The following SMAP1 variants were observed in gnomAD, a reference collection of about 807,000 sequenced individuals.
SMAP1 encodes small ArfGAP 1, also known as stromal membrane-associated protein 1.
SMAP1 carries 24 observed loss-of-function variants against 58.5 expected under a neutral mutation model. The observed-to-expected ratio is 0.41, with a 90% CI of 0.30 to 0.58. SMAP1 has a LOEUF of 0.58. Ranked by LOEUF, SMAP1 falls within the 20% of genes least tolerant of loss-of-function variation. The probability of loss-of-function intolerance (pLI) is 0.29; values close to 1 mark genes in which losing one functional copy is unlikely to be tolerated. For missense variants in SMAP1, 563 were observed against 566.3 expected (o/e 0.99, Z 0.06); for synonymous variants, 216 against 196.6 (o/e 1.10, Z -0.82).
At chr6:70,796,983 C>T (rs1368016793) in intron 5 of SMAP1, among the ~76,000 whole-genome samples, 1 of 152,056 alleles carries the variant, frequency 6.6e-6, no homozygotes, top group East Asian at 1.9e-4. Flanking sequence ...AGTTTGTTAG[C>T]TTTGTCCTCT....
chr6:70,855,947 A>G (rs187303482), intron 8 of SMAP1, among the ~76,000 whole-genome samples: 9 of 152,352 alleles, frequency 5.9e-5, no homozygotes. Flanking sequence ...TGTGTAGTTT[A>G]TAAGTACAAT....
intron 6 of SMAP1, among the ~76,000 whole-genome samples, chr6:70,807,055 C>T (rs1013290617): frequency 6.6e-6 from 1 of 152,180 alleles, no homozygotes; most frequent in Non-Finnish European, 1.5e-5. Flanking sequence ...ATCCAGGCTT[C>T]CCTGTAAAAG....
chr6:70,847,650 C>A (rs917110330), intron 7 of SMAP1, among the ~76,000 whole-genome samples: 1 of 152,230 alleles, frequency 6.6e-6, no homozygotes, highest in East Asian at 1.9e-4. Flanking sequence ...ATGTTCCCAG[C>A]TGAATTTCCT....
intron 7 of SMAP1, among the ~76,000 whole-genome samples, chr6:70,849,430 TAAAA>T: frequency 6.6e-6 from 1 of 151,652 alleles, no homozygotes; most frequent in Non-Finnish European, 1.5e-5. Flanking sequence ...GTAATAATAA[TAAAA>T]AAAACACATG....
chr6:70,814,180 T>G (rs1472899789), intron 6 of SMAP1, among the ~76,000 whole-genome samples: 3 of 152,150 alleles, frequency 2.0e-5, no homozygotes, highest in Non-Finnish European at 2.9e-5. Flanking sequence ...CTTTCCTAGG[T>G]TTATGGCCTC....
At chr6:70,777,954 G>A (rs1767611902) in intron 4 of SMAP1, among the ~76,000 whole-genome samples, 3 of 151,976 alleles carry the variant, frequency 2.0e-5, no homozygotes, top group Admixed American at 6.6e-5. Flanking sequence ...GTTTTGCCAC[G>A]TTGCCCAGGC....
intron 7 of SMAP1, among the ~76,000 whole-genome samples, chr6:70,843,000 A>G (rs1273310470): frequency 6.6e-6 from 1 of 152,166 alleles, no homozygotes; most frequent in Non-Finnish European, 1.5e-5. Flanking sequence ...AAGAGAGGCT[A>G]GGAAAATAGT....
At chr6:70,728,468 A>C (rs909401850) in intron 1 of SMAP1, among the ~76,000 whole-genome samples, 21 of 152,176 alleles carry the variant, frequency 1.4e-4, no homozygotes, top group African/African-American at 5.1e-4. Context: ...AAAATAGTAG[A>C]TCAGTTGTTC....
At chr6:70,808,740 A>G (rs1282805411) in intron 6 of SMAP1, among the ~76,000 whole-genome samples, 1 of 152,126 alleles carries the variant, frequency 6.6e-6, no homozygotes, top group Non-Finnish European at 1.5e-5. Flanking sequence ...TAGCTACATA[A>G]TTAGTTTTTA....
intron 6 of SMAP1, among the ~76,000 whole-genome samples, chr6:70,813,245 A>G (rs1222862447): frequency 6.6e-6 from 1 of 152,090 alleles, no homozygotes; most frequent in Non-Finnish European, 1.5e-5. Flanking sequence ...AGGCTTCTGG[A>G]GAGTACCCAG....
intron 6 of SMAP1, among the ~76,000 whole-genome samples, chr6:70,805,870 T>C (rs903007603): frequency 6.6e-6 from 1 of 152,222 alleles, no homozygotes; most frequent in African/African-American, 2.4e-5. Context: ...TGATCTTTCC[T>C]CTGGAAGCTT....
chr6:70,767,635 T>G (rs1352411960), intron 3 of SMAP1, among the ~76,000 whole-genome samples: 2 of 150,784 alleles, frequency 1.3e-5, no homozygotes, highest in Non-Finnish European at 2.9e-5. Context: ...CTTATCAGCT[T>G]AAGGAGATTT....
chr6:70,702,169 G>A (rs1767655729), intron 1 of SMAP1, among the ~76,000 whole-genome samples: 1 of 151,950 alleles, frequency 6.6e-6, no homozygotes, highest in Non-Finnish European at 1.5e-5. Flanking sequence ...TAATCAGTTT[G>A]ATTATGAATT....
At chr6:70,684,779 C>T (rs879294121) in intron 1 of SMAP1, among the ~76,000 whole-genome samples, 2 of 152,116 alleles carry the variant, frequency 1.3e-5, no homozygotes, top group African/African-American at 2.4e-5. Flanking sequence ...AATATTTCCT[C>T]TGTAATATTC....
chr6:70,836,970 T>C lies in SMAP1; in HGVS notation c.606T>C (p.Pro202=). 6.2e-7 allele frequency: 1 copy of C among 1,601,248 alleles called. No homozygotes were observed. Among genetic ancestry groups the C allele is most frequent in the East Asian group, 2.3e-5 (1 of 44,104 alleles). The change falls in exon 7 of 11, where the codon CCT becomes CCC. Residue 202 remains proline (P), a synonymous_variant. Transcript: ENST00000370455. ...AGAAGAAAGATCAGCAACTGGAGCCTAAAAAAAGTACCAGCCCTAAAAAAG... is the reference window on the plus strand; with the variant it reads ...AGAAGAAAGATCAGCAACTGGAGCCCAAAAAAAGTACCAGCCCTAAAAAAG... ...KLQKKDQQLE[P]KKSTSPKKAA... is the part of the protein sequence containing the mutation.
At position 70,860,215 on chromosome 6, in the gene SMAP1, G is replaced by T; in HGVS notation, c.1285G>T (p.Ala429Ser). ...TGTTTCACAGATGAATCAGCAGATGGCTGGCATGAGTATCAGTAGTGCAAC... is the reference window on the plus strand; with the variant it reads ...TGTTTCACAGATGAATCAGCAGATGTCTGGCATGAGTATCAGTAGTGCAAC... ...WSLSQMNQQM[A>S]GMSISSATPT... The change falls in exon 11 of 11, where the codon GCT (alanine) becomes TCT (serine). Residue 429 changes from alanine to serine, a missense_variant. Ala to Ser is a moderately conservative substitution (Grantham distance 99). Transcript: ENST00000370455. The T allele has an allele frequency of 6.2e-7, 1 of 1,609,752 alleles. No individual in the cohort carries two copies. The highest frequency in any genetic ancestry group is 8.5e-7 in the Non-Finnish European group (1 of 1,178,596).
intron 6 of SMAP1, among the ~76,000 whole-genome samples, chr6:70,815,168 T>A (rs1383620898): frequency 6.6e-6 from 1 of 152,200 alleles, no homozygotes; most frequent in African/African-American, 2.4e-5. Context: ...TAGTGTCTTA[T>A]CTGGGTACAG....
At chr6:70,827,259 T>G (rs1770174718) in intron 6 of SMAP1, among the ~76,000 whole-genome samples, 1 of 152,204 alleles carries the variant, frequency 6.6e-6, no homozygotes, top group African/African-American at 2.4e-5. Context: ...CAATAAAGAT[T>G]AGTTAAGATA....
chr6:70,805,909 G>C (rs540210026), intron 6 of SMAP1, among the ~76,000 whole-genome samples: 52 of 152,244 alleles, frequency 3.4e-4, no homozygotes, highest in Admixed American at 6.5e-4. Context: ...ACCTGTGTGA[G>C]GTGTCTGTCG....
Sources: allele counts gnomAD v4.1 joint callset (sites outside exome capture counted in the v4.1 genomes callset), GRCh38; gene constraint gnomAD v4.1.1; transcripts MANE v1.5; gene names NCBI Gene and HGNC (gene_info 2026-07-23, HGNC 2026-07-21).